Variants in AGBL4 observed in about 807,000 individuals in gnomAD.
AGBL4 encodes AGBL carboxypeptidase 4.
Under a neutral mutation model 66.4 loss-of-function variants are expected in AGBL4, and 58 were observed. That is an observed-to-expected ratio of 0.87 (90% CI 0.71 to 1.09). The LOEUF is 1.09. AGBL4 is among the 50% of genes least tolerant of loss of function. The pLI is 0.00. For synonymous variants in AGBL4, 234 were observed against 222.9 expected, an observed-to-expected ratio of 1.05 and a Z score of -0.44; for missense variants, 579 against 631.0, an observed-to-expected ratio of 0.92 and a Z score of 0.88.
intron 5 of AGBL4, among the ~76,000 whole-genome samples, chr1:48,975,771 G>A (rs1173137770): frequency 6.6e-6 from 1 of 152,118 alleles, no homozygotes; most frequent in African/African-American, 2.4e-5. Flanking sequence ...TCTTCCTGCA[G>A]CACTGTTTCT....
At position 48,757,792 on chromosome 1, in the gene AGBL4, T is replaced by C. The variant is rs141586585; in HGVS notation, c.635-94551A>G. 1.7e-4 allele frequency among the ~76,000 whole-genome samples: 26 copies of C among 152,222 alleles called. No homozygotes were observed. The East Asian group carries it at 3.1e-3, about 18-fold the overall frequency. On this transcript the variant is annotated intron_variant, in intron 6 of 13. Coordinates refer to ENST00000371839, the MANE Select transcript of AGBL4 (RefSeq NM_032785.4). ...AATGAAAACCTTCACAAGGGCAAAA[T>C]TGTATTTTATTTAAACTTTGGGGAT...
intron 3 of AGBL4, among the ~76,000 whole-genome samples, chr1:49,401,747 A>G (rs1645090650): frequency 6.6e-6 from 1 of 152,158 alleles, no homozygotes; most frequent in Non-Finnish European, 1.5e-5. Flanking sequence ...CAGATTGAGT[A>G]GGATTGGTAT....
At chr1:49,014,305 A>G (rs1662658677) in intron 5 of AGBL4, among the ~76,000 whole-genome samples, 1 of 152,378 alleles carries the variant, frequency 6.6e-6, no homozygotes, top group East Asian at 1.9e-4. Context: ...CAGAGGAAAG[A>G]GCAATAAAAT....
At chr1:48,564,889 T>C (rs1644451939) in intron 11 of AGBL4, among the ~76,000 whole-genome samples, 1 of 152,212 alleles carries the variant, frequency 6.6e-6, no homozygotes. Flanking sequence ...AACCTGACTC[T>C]AAGCTTGGCT....
intron 3 of AGBL4, among the ~76,000 whole-genome samples, chr1:49,607,418 C>T (rs935335756): frequency 3.3e-5 from 5 of 152,114 alleles, no homozygotes; most frequent in African/African-American, 7.2e-5. Context: ...GTTAGTTCAG[C>T]ACAGAGTCCT....
At chr1:49,721,950 C>T (rs369064325) in intron 2 of AGBL4, among the ~76,000 whole-genome samples, 5 of 152,138 alleles carry the variant, frequency 3.3e-5, no homozygotes, top group African/African-American at 1.2e-4. Flanking sequence ...AGTTAATGAT[C>T]AATACAGAAC....
chr1:49,643,920 T>A (rs1373299717), intron 3 of AGBL4, among the ~76,000 whole-genome samples: 2 of 151,670 alleles, frequency 1.3e-5, no homozygotes, highest in Non-Finnish European at 3.0e-5. Context: ...AATTCACTGA[T>A]AAATATAAAA....
chr1:49,944,532 T>C (rs551777515), intron 1 of AGBL4, among the ~76,000 whole-genome samples: 1 of 152,164 alleles, frequency 6.6e-6, no homozygotes, highest in East Asian at 1.9e-4. Context: ...ATCAAGGGAA[T>C]ACTATGTAGG....
chr1:49,656,521 C>T (rs1178941697), intron 3 of AGBL4, among the ~76,000 whole-genome samples: 1 of 152,162 alleles, frequency 6.6e-6, no homozygotes. Flanking sequence ...CCAGCATCAT[C>T]CTGATACCAA....
At chr1:49,332,615 G>A (rs1242045325) in intron 3 of AGBL4, among the ~76,000 whole-genome samples, 1 of 152,096 alleles carries the variant, frequency 6.6e-6, no homozygotes. Flanking sequence ...ATATTTCACA[G>A]GGAAAATAAA....
intron 2 of AGBL4, among the ~76,000 whole-genome samples, chr1:49,722,217 G>A (rs1035919859): frequency 2.6e-5 from 4 of 152,172 alleles, no homozygotes; most frequent in Non-Finnish European, 5.9e-5. Context: ...CAAGGTGCCA[G>A]TAACGTATTG....
At chr1:49,992,722 T>TCC (rs1471381639) in intron 1 of AGBL4, among the ~76,000 whole-genome samples, 1 of 152,124 alleles carries the variant, frequency 6.6e-6, no homozygotes, top group African/African-American at 2.4e-5. Context: ...TTATTGCCTA[T>TCC]CCTTTTTGTA....
intron 3 of AGBL4, among the ~76,000 whole-genome samples, chr1:49,318,699 A>G (rs1443509708): frequency 6.6e-6 from 1 of 152,072 alleles, no homozygotes; most frequent in Non-Finnish European, 1.5e-5. Flanking sequence ...AAGAGCTAGA[A>G]AGTTATGAAG....
intron 6 of AGBL4, among the ~76,000 whole-genome samples, chr1:48,708,136 G>C (rs915237042): frequency 5.3e-5 from 8 of 152,192 alleles, no homozygotes; most frequent in African/African-American, 1.9e-4. Context: ...ACACATTTGT[G>C]TTCTTTCACA....
chr1:50,020,260 A>G (rs766723811), intron 1 of AGBL4, among the ~76,000 whole-genome samples: 4 of 152,132 alleles, frequency 2.6e-5, no homozygotes, highest in Admixed American at 6.5e-5. Flanking sequence ...TTGTATGTTT[A>G]TATAATTTCT....
At chr1:48,755,991 T>C (rs1643903950) in intron 6 of AGBL4, among the ~76,000 whole-genome samples, 1 of 152,210 alleles carries the variant, frequency 6.6e-6, no homozygotes, top group Non-Finnish European at 1.5e-5. Flanking sequence ...AACTACTGGC[T>C]GGGGGTGCCC....
chr1:49,809,170 A>G (rs573695703), intron 2 of AGBL4, among the ~76,000 whole-genome samples: 13 of 151,708 alleles, frequency 8.6e-5, no homozygotes, highest in Non-Finnish European at 1.6e-4. Flanking sequence ...TTTTTTTATT[A>G]TTTTACTTTA....
chr1:49,650,664 A>G (rs1645984640), intron 3 of AGBL4, among the ~76,000 whole-genome samples: 1 of 152,210 alleles, frequency 6.6e-6, no homozygotes, highest in South Asian at 2.1e-4. Context: ...TGGCAACTAC[A>G]GGGAACCAGT....
chr1:49,923,637 T>C (rs1652485485), intron 1 of AGBL4, among the ~76,000 whole-genome samples: 1 of 151,832 alleles, frequency 6.6e-6, no homozygotes, highest in Admixed American at 6.6e-5. Flanking sequence ...AATAACCCCA[T>C]TAAAAAGTGG....
Sources: gnomAD v4.1 joint callset for allele counts (sites outside exome capture counted in the v4.1 genomes callset) on GRCh38, gnomAD v4.1.1 for gene constraint, MANE v1.5 for transcripts, NCBI Gene and HGNC (gene_info 2026-07-23, HGNC 2026-07-21) for gene names.